The following SGPP2 variants were observed in gnomAD, a reference collection of about 807,000 sequenced individuals.
The protein encoded by SGPP2 is sphingosine 1-phosphate phosphohydrolase 2.
Under a neutral mutation model 33.9 loss-of-function variants are expected in SGPP2, and 30 were observed. That is an observed-to-expected ratio of 0.89 (90% CI 0.66 to 1.20). The LOEUF is 1.20. Ranked by LOEUF, SGPP2 falls within the 50% of genes most tolerant of loss-of-function variation. The pLI is 0.00. For missense variants in SGPP2, 458 were observed against 532.1 expected (o/e 0.86, Z 1.37); for synonymous variants, 233 against 225.0 (o/e 1.04, Z -0.32).
At chr2:222,513,695 C>T (rs1698563139) in intron 2 of SGPP2, among the ~76,000 whole-genome samples, 1 of 152,124 alleles carries the variant, frequency 6.6e-6, no homozygotes, top group Non-Finnish European at 1.5e-5. Flanking sequence ...AGAGATGAGA[C>T]AGGCAGAAGA....
chr2:222,433,698 T>TC (rs397772073), intron 1 of SGPP2, among the ~76,000 whole-genome samples: 1 of 151,216 alleles, frequency 6.6e-6, no homozygotes, highest in Middle Eastern at 3.4e-3. Flanking sequence ...ATGATTTTTT[T>TC]CCCCCCATGT....
chr2:222,498,937 T>G (rs1176527289), intron 2 of SGPP2, among the ~76,000 whole-genome samples: 2 of 152,258 alleles, frequency 1.3e-5, no homozygotes, highest in Non-Finnish European at 2.9e-5. Context: ...TTGATTTCTG[T>G]GTTCATATGG....
chr2:222,511,064 A>C (rs1171419440), intron 2 of SGPP2, among the ~76,000 whole-genome samples: 1 of 152,204 alleles, frequency 6.6e-6, no homozygotes, highest in Non-Finnish European at 1.5e-5. Context: ...GGCTAATTGG[A>C]AATGTGTTAG....
intron 2 of SGPP2, among the ~76,000 whole-genome samples, chr2:222,505,929 T>A (rs1264096746): frequency 8.1e-6 from 1 of 123,378 alleles, no homozygotes; most frequent in African/African-American, 3.5e-5. Context: ...AGTGAAACTC[T>A]GTCTCAAAAA....
chr2:222,525,118 TA>T (rs1469566936), intron 4 of SGPP2, 85 bp downstream of exon 4: 8 of 910,364 alleles, frequency 8.8e-6, no homozygotes, highest in Non-Finnish European at 1.2e-5. Context: ...ACTACTTATT[TA>T]TAAAATTATT....
chr2:222,533,255 T>G (rs150826727), intron 4 of SGPP2, among the ~76,000 whole-genome samples: 131 of 152,240 alleles, frequency 8.6e-4, no homozygotes, highest in African/African-American at 2.9e-3. Context: ...CTGAGGAGTG[T>G]CATCACCTTC....
chr2:222,426,385 T>C lies in SGPP2; in HGVS notation c.219+1564T>C, dbSNP rs558407877. ...ACAAGCTTCTACCCTGTTTCTCTAA[T>C]TCAGGAAGCTGAAAAAGAGTGAATT... is the stretch of plus-strand genomic sequence containing the variant. On this transcript the variant is annotated intron_variant, in intron 1 of 4. Transcript: ENST00000321276. Among the ~76,000 whole-genome samples the C allele has an allele frequency of 2.0e-5, 3 of 152,314 alleles. No homozygotes were observed. In the South Asian group the frequency reaches 6.2e-4, roughly 32 times the overall value.
At chr2:222,445,938 G>A (rs1351133966) in intron 1 of SGPP2, among the ~76,000 whole-genome samples, 1 of 152,220 alleles carries the variant, frequency 6.6e-6, no homozygotes, top group Admixed American at 6.5e-5. Flanking sequence ...TGTCAGAAGA[G>A]TTGGAGAGAA....
intron 1 of SGPP2, among the ~76,000 whole-genome samples, chr2:222,437,365 C>T (rs958092228): frequency 3.3e-5 from 5 of 152,316 alleles, no homozygotes; most frequent in East Asian, 1.9e-4. Context: ...TTCCCTTCAC[C>T]GCTGTCCTTC....
rs3076774 is a variant in SGPP2 at position 222,561,837 on chromosome 2, G to GAAAA, written c.*2941_*2944dup. On this transcript the variant is annotated 3_prime_UTR_variant, in exon 5 of 5. Coordinates refer to ENST00000321276, the MANE Select transcript of SGPP2 (RefSeq NM_152386.4). ...GAATCAGACAAAAATTCATCGGGGT[G>GAAAA]AAAAAGGCATTACCTGATTCACACC... 1.8e-4 allele frequency among the ~76,000 whole-genome samples: 27 copies of GAAAA among 150,384 alleles called. No homozygotes were observed. Among genetic ancestry groups the GAAAA allele is most frequent in the South Asian group, 2.1e-4 (1 of 4,764 alleles).
intron 1 of SGPP2, among the ~76,000 whole-genome samples, chr2:222,462,067 T>C (rs1378810318): frequency 6.6e-6 from 1 of 152,184 alleles, no homozygotes; most frequent in Non-Finnish European, 1.5e-5. Flanking sequence ...AGTGTATCTC[T>C]GAGCTGTGGT....
At chr2:222,490,723 G>A (rs1007379160) in intron 2 of SGPP2, among the ~76,000 whole-genome samples, 4 of 151,892 alleles carry the variant, frequency 2.6e-5, no homozygotes, top group African/African-American at 7.3e-5. Flanking sequence ...GGGATTACAG[G>A]CATGAGCCAC....
At chr2:222,519,868 G>A (rs1350588891) in intron 2 of SGPP2, among the ~76,000 whole-genome samples, 2 of 152,152 alleles carry the variant, frequency 1.3e-5, no homozygotes, top group Admixed American at 1.3e-4. Context: ...TGGCTGTGTA[G>A]TATTCCATAG....
intron 2 of SGPP2, 81 bp downstream of exon 2, chr2:222,474,807 GTTCT>G: frequency 3.0e-6 from 3 of 1,010,412 alleles, no homozygotes; most frequent in Non-Finnish European, 4.0e-6. Flanking sequence ...TTGCAAATAT[GTTCT>G]TTCTTTTTTT....
chr2:222,499,905 G>A (rs1007967087), intron 2 of SGPP2, among the ~76,000 whole-genome samples: 13 of 152,164 alleles, frequency 8.5e-5, no homozygotes, highest in Admixed American at 8.5e-4. Flanking sequence ...AAAGAGTCAG[G>A]TTGCCAGTGT....
chr2:222,512,703 G>A (rs1365580779), intron 2 of SGPP2, among the ~76,000 whole-genome samples: 1 of 152,108 alleles, frequency 6.6e-6, no homozygotes. Flanking sequence ...GCCTTTTCTA[G>A]AATGTCATAT....
intron 1 of SGPP2, among the ~76,000 whole-genome samples, chr2:222,434,543 C>G (rs910454641): frequency 1.3e-5 from 2 of 152,178 alleles, no homozygotes; most frequent in Admixed American, 6.5e-5. Flanking sequence ...TCTCTCCTCC[C>G]CCAAATGCTC....
At chr2:222,445,170 C>T (rs992937565) in intron 1 of SGPP2, among the ~76,000 whole-genome samples, 1 of 152,176 alleles carries the variant, frequency 6.6e-6, no homozygotes, top group African/African-American at 2.4e-5. Context: ...GGAACCTGGC[C>T]TTGCTGAACT....
At chr2:222,507,462 C>T (rs1213760717) in intron 2 of SGPP2, among the ~76,000 whole-genome samples, 1 of 152,096 alleles carries the variant, frequency 6.6e-6, no homozygotes, top group Non-Finnish European at 1.5e-5. Flanking sequence ...GCATTGTTGC[C>T]ATCAGGGGTT....
Sources: gnomAD v4.1 joint callset for allele counts (sites outside exome capture counted in the v4.1 genomes callset) on GRCh38, gnomAD v4.1.1 for gene constraint, MANE v1.5 for transcripts, NCBI Gene and HGNC (gene_info 2026-07-23, HGNC 2026-07-21) for gene names.